Variants in ATP2B2 observed in about 807,000 individuals in gnomAD.
ATP2B2 encodes the protein ATPase plasma membrane Ca2+ transporting 2, also known as plasma membrane calcium-transporting ATPase 2.
A neutral mutation model predicts 120.0 loss-of-function variants in ATP2B2; 15 were observed. That is an observed-to-expected ratio of 0.12 (90% CI 0.08 to 0.19). The LOEUF (loss-of-function observed/expected upper bound fraction) is 0.19, where lower values mean the gene tolerates loss of function less well. Among genes scored for constraint, ATP2B2 ranks in the 10% least tolerant of loss-of-function variants. ATP2B2 has a pLI of 1.00. For synonymous variants in ATP2B2, 694 were observed against 700.3 expected (o/e 0.99, Z 0.14); for missense variants, 1,045 against 1,719.8 (o/e 0.61, Z 6.94).
At chr3:10,362,084 G>A (rs1019375215) in intron 12 of ATP2B2, among the ~76,000 whole-genome samples, 1 of 152,212 alleles carries the variant, frequency 6.6e-6, no homozygotes, top group African/African-American at 2.4e-5. Context: ...GGCTTCAGGG[G>A]TGCTGAAAGA....
chr3:10,575,989 A>G (rs2068236399), intron 2 of ATP2B2, among the ~76,000 whole-genome samples: 1 of 152,228 alleles, frequency 6.6e-6, no homozygotes, highest in African/African-American at 2.4e-5. Flanking sequence ...CTTAACAAGC[A>G]CTTGGCATGG....
chr3:10,555,991 C>T (rs1201471252), intron 2 of ATP2B2, among the ~76,000 whole-genome samples: 2 of 152,142 alleles, frequency 1.3e-5, no homozygotes, highest in Non-Finnish European at 2.9e-5. Context: ...CTCTGCCTCC[C>T]GGGTTCAAGC....
rs952312946 is a variant in ATP2B2 at position 10,347,272 on chromosome 3, G to T, written c.2405-1135C>A. ...TGTGTCTGGGCAGGCTGTTCCCTTG[G>T]CTGGAGGTACTCCTGTCACCCACCT... On this transcript the variant is annotated intron_variant, in intron 16 of 22. Coordinates refer to ENST00000360273, the MANE Select transcript of ATP2B2 (RefSeq NM_001001331.4). The surrounding 1 kb of genome is among the most constrained non-coding windows in gnomAD (Gnocchi z 5.2). 1.3e-5 allele frequency among the ~76,000 whole-genome samples: 2 copies of T among 152,152 alleles called. No homozygotes were observed. Among genetic ancestry groups the T allele is most frequent in the African/African-American group, 4.8e-5 (2 of 41,424 alleles).
At chr3:10,703,560 T>C (rs977651711) in intron 1 of ATP2B2, among the ~76,000 whole-genome samples, 12 of 152,212 alleles carry the variant, frequency 7.9e-5, no homozygotes, top group Admixed American at 2.6e-4. Flanking sequence ...TCCCAACATC[T>C]GCCATTTCCT....
intron 1 of ATP2B2, among the ~76,000 whole-genome samples, chr3:10,693,830 C>G (rs1402181551): frequency 6.6e-6 from 1 of 152,198 alleles, no homozygotes; most frequent in African/African-American, 2.4e-5. Context: ...ATTAGGTGAA[C>G]AAATACATCT....
At chr3:10,602,125 C>G (rs1455787103) in intron 2 of ATP2B2, among the ~76,000 whole-genome samples, 1 of 152,164 alleles carries the variant, frequency 6.6e-6, no homozygotes, top group Non-Finnish European at 1.5e-5. Context: ...CCTCGGAGCC[C>G]CCTCCCCACT....
chr3:10,501,475 A>G (rs2066392298), intron 1 of ATP2B2, among the ~76,000 whole-genome samples: 1 of 150,862 alleles, frequency 6.6e-6, no homozygotes. Context: ...GACTCAAGCG[A>G]TCCTCCCACC....
At chr3:10,415,652 A>C (rs1433303252) in intron 2 of ATP2B2, among the ~76,000 whole-genome samples, 1 of 152,210 alleles carries the variant, frequency 6.6e-6, no homozygotes, top group Non-Finnish European at 1.5e-5. Context: ...CTGAAAATTA[A>C]CACACATATT....
At chr3:10,598,526 G>A (rs17033194) in intron 2 of ATP2B2, among the ~76,000 whole-genome samples, 10 of 152,080 alleles carry the variant, frequency 6.6e-5, no homozygotes, top group Middle Eastern at 6.8e-3. Context: ...AACCATGCAC[G>A]CTCCTGAGAA....
At chr3:10,673,514 G>T (rs2071166575) in intron 1 of ATP2B2, among the ~76,000 whole-genome samples, 1 of 151,892 alleles carries the variant, frequency 6.6e-6, no homozygotes, top group South Asian at 2.1e-4. Context: ...GAGAGAGAGA[G>T]AGAGGCCAGG....
chr3:10,673,537 C>A (rs1490959399), intron 1 of ATP2B2, among the ~76,000 whole-genome samples: 1 of 151,860 alleles, frequency 6.6e-6, no homozygotes, highest in African/African-American at 2.4e-5. Flanking sequence ...TGGTGGTGCA[C>A]ACCTGTAATC....
chr3:10,577,594 G>A (rs1223631531), intron 2 of ATP2B2, among the ~76,000 whole-genome samples: 1 of 152,218 alleles, frequency 6.6e-6, no homozygotes, highest in Non-Finnish European at 1.5e-5. Context: ...GTTTTCCTGA[G>A]AGGAACAATC....
intron 2 of ATP2B2, among the ~76,000 whole-genome samples, chr3:10,427,210 T>A (rs2063173254): frequency 6.6e-6 from 1 of 152,166 alleles, no homozygotes; most frequent in African/African-American, 2.4e-5. Flanking sequence ...CAAGGTAAGC[T>A]CCACTTGATT....
intron 2 of ATP2B2, among the ~76,000 whole-genome samples, chr3:10,602,501 T>G (rs1005884608): frequency 6.6e-6 from 1 of 152,160 alleles, no homozygotes; most frequent in African/African-American, 2.4e-5. Context: ...ACCTCTGACC[T>G]TCTCCCTCCT....
At chr3:10,550,735 A>T (rs2067650472) in intron 2 of ATP2B2, among the ~76,000 whole-genome samples, 1 of 152,202 alleles carries the variant, frequency 6.6e-6, no homozygotes, top group Admixed American at 6.5e-5. Context: ...TATAGCAAGG[A>T]TCAATGTCAC....
At chr3:10,504,328 A>G (rs1490997616) in intron 1 of ATP2B2, among the ~76,000 whole-genome samples, 2 of 152,166 alleles carry the variant, frequency 1.3e-5, no homozygotes, top group East Asian at 1.9e-4. Context: ...GATCCTGGAA[A>G]TACCCCAAAC....
intron 1 of ATP2B2, among the ~76,000 whole-genome samples, chr3:10,467,907 C>A (rs1382260156): frequency 6.6e-6 from 1 of 152,188 alleles, no homozygotes; most frequent in Non-Finnish European, 1.5e-5. Flanking sequence ...CCCCTGATCC[C>A]AGGAAGGTAC....
Position 10,375,413 on chromosome 3 carries a change from C to A in ATP2B2, c.1416+17G>T. On this transcript the variant is annotated intron_variant, in intron 11 of 22. Coordinates refer to ENST00000360273, the MANE Select transcript of ATP2B2 (RefSeq NM_001001331.4). The surrounding 1 kb of genome is among the most constrained non-coding windows in gnomAD (Gnocchi z 4.2). ...CAGCTGCATCAGCCGGCTGGTCCTG[C>A]TCTCCTCCCCTCTCACCTTCACCGA... 1 of 1,603,916 alleles carries A rather than the reference C, an allele frequency of 6.2e-7. No individual in the cohort carries two copies. Among genetic ancestry groups the A allele is most frequent in the Non-Finnish European group, 8.5e-7 (1 of 1,174,110 alleles).
intron 1 of ATP2B2, among the ~76,000 whole-genome samples, chr3:10,478,253 G>A (rs1182886440): frequency 6.6e-6 from 1 of 152,092 alleles, no homozygotes; most frequent in African/African-American, 2.4e-5. Flanking sequence ...AGGAGTTCTC[G>A]ACATATTCTG....
Sources: allele counts gnomAD v4.1 joint callset (sites outside exome capture counted in the v4.1 genomes callset), GRCh38; gene constraint gnomAD v4.1.1; non-coding constraint Gnocchi (gnomAD v3.1); transcripts MANE v1.5; gene names NCBI Gene and HGNC (gene_info 2026-07-23, HGNC 2026-07-21).